The following POMGNT2 variants were observed in gnomAD, a reference collection of about 807,000 sequenced individuals.
POMGNT2 encodes protein O-linked mannose N-acetylglucosaminyltransferase 2 (beta 1,4-), also known as protein O-linked-mannose beta-1,4-N-acetylglucosaminyltransferase 2.
POMGNT2 carries 32 observed loss-of-function variants against 37.8 expected under a neutral mutation model. The observed-to-expected ratio is 0.85, with a 90% CI of 0.64 to 1.14. POMGNT2 has a LOEUF of 1.14. Ranked by LOEUF, POMGNT2 falls within the 50% of genes most tolerant of loss-of-function variation. The pLI, the probability that POMGNT2 is intolerant of heterozygous loss-of-function variation, is 0.00. For synonymous variants in POMGNT2, 340 were observed against 336.8 expected (o/e 1.01, Z -0.10); for missense variants, 705 against 780.6 (o/e 0.90, Z 1.15).
Position 43,080,988 on chromosome 3 carries a change from G to A in POMGNT2, c.444C>T (p.Phe148=), listed in dbSNP as rs1211672309. The change falls in exon 2 of 2, where the codon TTC becomes TTT. Residue 148 remains phenylalanine (F), a synonymous_variant. Coordinates refer to ENST00000344697, the MANE Select transcript of POMGNT2 (RefSeq NM_032806.6). ...TGGCGATGAGGGCCACGTCTGGCACGAACACCGGCTTGGGCATGAAGCGCA... is the reference window on the plus strand; with the variant it reads ...TGGCGATGAGGGCCACGTCTGGCACAAACACCGGCTTGGGCATGAAGCGCA... ...AALRFMPKPV[F]VPDVALIANR... is the part of the protein sequence containing the mutation. 1.5e-5 allele frequency: 24 copies of A among 1,614,106 alleles called. No homozygotes were observed. Among genetic ancestry groups the A allele is most frequent in the African/African-American group, 2.7e-5 (2 of 74,944 alleles).
At chr3:43,104,054 C>T (rs947203207) in intron 1 of POMGNT2, among the ~76,000 whole-genome samples, 7 of 152,146 alleles carry the variant, frequency 4.6e-5, no homozygotes, top group Admixed American at 1.3e-4. Flanking sequence ...TCATTTATTC[C>T]CCACTACCTG....
chr3:43,083,397 T>C (rs1362050979), intron 1 of POMGNT2, among the ~76,000 whole-genome samples: 1 of 152,210 alleles, frequency 6.6e-6, no homozygotes, highest in African/African-American at 2.4e-5. Context: ...TAAATAAAAA[T>C]CCATATTCCC....
rs770173778 is a variant in POMGNT2, at chr3:43,079,597, T to C, written c.*92A>G. Reference sequence around the variant, plus strand: ...TGGAGGCACAGGCCTGCTCAATAAATAGTTCCCAGAAGTCTCCACAGTGGG... The same window carrying C: ...TGGAGGCACAGGCCTGCTCAATAAACAGTTCCCAGAAGTCTCCACAGTGGG... On this transcript the variant is annotated 3_prime_UTR_variant, in exon 2 of 2. Coordinates refer to ENST00000344697, the MANE Select transcript of POMGNT2 (RefSeq NM_032806.6). 7 of 1,159,696 alleles carry C rather than the reference T, an allele frequency of 6.0e-6. No individual in the cohort carries two copies. The highest frequency in any genetic ancestry group is 8.6e-6 in the Non-Finnish European group (7 of 814,000). 71.8% of individuals were successfully genotyped at this position (1,159,696 alleles called of 1,614,324 possible). A position where few individuals can be genotyped will look rare whatever the true frequency, so the allele number is the denominator to read the frequency against.
In POMGNT2 at chr3:43,080,947, T is replaced by G. The variant is rs771977831; in HGVS notation, c.485A>C (p.Asp162Ala). 4 of 1,614,012 alleles carry G rather than the reference T, an allele frequency of 2.5e-6. No individual in the cohort carries two copies. The Admixed American group carries it at 6.7e-5, about 27-fold the overall frequency. Residue 162 changes from aspartate to alanine, a missense_variant, in exon 2 of 2, where the codon GAC (aspartate) becomes GCC (alanine). By Grantham distance (126) the Asp-to-Ala change is moderately radical. Transcript: ENST00000344697. ...GTCATGAAAGACGTGCATGAGGTTG[T>G]CGGGGTTGAAGCGGTTGGCGATGAG... is the stretch of plus-strand genomic sequence containing the variant. Reference protein sequence around the residue: ...VALIANRFNPDNLMHVFHDDL... With the variant: ...VALIANRFNPANLMHVFHDDL...
chr3:43,093,794 G>A (rs1459477402), intron 1 of POMGNT2, among the ~76,000 whole-genome samples: 1 of 152,086 alleles, frequency 6.6e-6, no homozygotes, highest in Non-Finnish European at 1.5e-5. Context: ...CTTTTTGGCT[G>A]CCTTCCCTTC....
At chr3:43,091,981 G>A (rs2089947201) in intron 1 of POMGNT2, among the ~76,000 whole-genome samples, 1 of 152,250 alleles carries the variant, frequency 6.6e-6, no homozygotes, top group South Asian at 2.1e-4. Context: ...GACAAGGGAA[G>A]ATGGAGGAGC....
intron 1 of POMGNT2, among the ~76,000 whole-genome samples, chr3:43,097,623 GA>G (rs998981983): frequency 2.0e-5 from 3 of 151,938 alleles, no homozygotes; most frequent in African/African-American, 7.3e-5. Flanking sequence ...CCACCCTTAT[GA>G]CCTCATTTAA....
chr3:43,089,314 T>C (rs2089923996), intron 1 of POMGNT2, among the ~76,000 whole-genome samples: 1 of 152,060 alleles, frequency 6.6e-6, no homozygotes, highest in Non-Finnish European at 1.5e-5. Flanking sequence ...GGGACAGAGA[T>C]GTGATATCTG....
chr3:43,084,768 C>T (rs779840748), intron 1 of POMGNT2, among the ~76,000 whole-genome samples: 11 of 152,076 alleles, frequency 7.2e-5, no homozygotes, highest in South Asian at 2.1e-4. Context: ...GCTTCATGTT[C>T]GCTGATTCTT....
intron 1 of POMGNT2, among the ~76,000 whole-genome samples, chr3:43,103,289 T>C (rs377024281): frequency 1.3e-5 from 2 of 152,054 alleles, no homozygotes; most frequent in East Asian, 3.9e-4. Context: ...TCCTCCCTTA[T>C]CCACAGCTCA....
intron 1 of POMGNT2, among the ~76,000 whole-genome samples, chr3:43,099,539 T>C (rs988490803): frequency 2.0e-5 from 3 of 152,226 alleles, no homozygotes; most frequent in African/African-American, 4.8e-5. Flanking sequence ...CAAAGCCATG[T>C]GCAGTTCAGT....
chr3:43,097,046 C>T (rs934000762), intron 1 of POMGNT2, among the ~76,000 whole-genome samples: 9 of 152,196 alleles, frequency 5.9e-5, no homozygotes, highest in Admixed American at 5.2e-4. Context: ...CCTTGGGGAG[C>T]TCACCACGTG....
At chr3:43,081,823 C>G (rs564701243) in intron 1 of POMGNT2, among the ~76,000 whole-genome samples, 97 of 152,356 alleles carry the variant, frequency 6.4e-4, no homozygotes, top group African/African-American at 2.2e-3. Context: ...AGAACATAAT[C>G]AAAGGTTTGG....
At chr3:43,103,918 A>T (rs985710445) in intron 1 of POMGNT2, among the ~76,000 whole-genome samples, 5 of 152,150 alleles carry the variant, frequency 3.3e-5, no homozygotes, top group African/African-American at 1.2e-4. Flanking sequence ...GAGACAGCAA[A>T]GGCAAAACAC....
Position 43,080,698 on chromosome 3 carries a change from T to C in POMGNT2, c.734A>G (p.Tyr245Cys), listed in dbSNP as rs1001285393. 9.3e-6 allele frequency: 15 copies of C among 1,614,032 alleles called. No individual in the cohort carries two copies. The highest frequency in any genetic ancestry group is 4.0e-5 in the African/African-American group (3 of 74,936). ...GLSKITTWYQ[Y>C]GFVQPQGPKA... ...CGGGCCCTGGGGCTGCACAAAGCCATACTGGTACCAGGTAGTGATCTTGGA... is the reference window on the plus strand; with the variant it reads ...CGGGCCCTGGGGCTGCACAAAGCCACACTGGTACCAGGTAGTGATCTTGGA... Residue 245 changes from tyrosine to cysteine, a missense_variant, in exon 2 of 2, where the codon TAT (tyrosine) becomes TGT (cysteine). Physicochemically the swap from Tyr to Cys is radical, Grantham distance 194. Coordinates refer to ENST00000344697, the MANE Select transcript of POMGNT2 (RefSeq NM_032806.6).
Position 43,080,523 on chromosome 3 carries a change from C to G in POMGNT2, c.909G>C (p.Glu303Asp). The G allele has an allele frequency of 6.2e-7, 1 of 1,614,244 alleles. No individual in the cohort carries two copies. Residue 303 changes from glutamate to aspartate, a missense_variant, in exon 2 of 2, where the codon GAG (glutamate) becomes GAC (aspartate). By Grantham distance (45) the Glu-to-Asp change is conservative (BLOSUM62 2). Coordinates refer to ENST00000344697, the MANE Select transcript of POMGNT2 (RefSeq NM_032806.6). ...GGGCCAGTGCCAGCAGCAGCTCTGCCTCATTCAGAATGAGTCTGTTCTGGG... is the reference window on the plus strand; with the variant it reads ...GGGCCAGTGCCAGCAGCAGCTCTGCGTCATTCAGAATGAGTCTGTTCTGGG... ...SRTQNRLILNEAELLLALAQE... is the reference protein window; with the variant it reads ...SRTQNRLILNDAELLLALAQE...
Position 43,093,161 on chromosome 3 carries a change from G to A in POMGNT2, c.-105-11625C>T, listed in dbSNP as rs371988312. Among the ~76,000 whole-genome samples the A allele has an allele frequency of 1.1e-4, 16 of 152,346 alleles. No homozygotes were observed. The East Asian group carries it at 1.9e-3, about 18-fold the overall frequency. ...GGCAGTGGCTGCAGGCAGGAGTCTA[G>A]GGTCCACATCTGGACCTGGCTGACT... On this transcript the variant is annotated intron_variant, in intron 1 of 1. Coordinates refer to ENST00000344697, the MANE Select transcript of POMGNT2 (RefSeq NM_032806.6).
At chr3:43,105,408 C>A (rs1025170689) in intron 1 of POMGNT2, among the ~76,000 whole-genome samples, 1 of 152,186 alleles carries the variant, frequency 6.6e-6, no homozygotes, top group African/African-American at 2.4e-5. Context: ...GAGGCCCAGG[C>A]CCGCTCCGCG....
chr3:43,084,079 G>A lies in POMGNT2; in HGVS notation c.-105-2543C>T, dbSNP rs550628613. Among the ~76,000 whole-genome samples the A allele has an allele frequency of 9.9e-5, 15 of 152,282 alleles. No individual in the cohort carries two copies. The South Asian group carries it at 3.1e-3, about 32-fold the overall frequency. On this transcript the variant is annotated intron_variant, in intron 1 of 1. Transcript: ENST00000344697. ...CTCTGGCCTCTGTGACTGCTGATGA[G>A]GAACTGCTACCCTTCGAATTGTTTT...
Sources: gnomAD v4.1 joint callset for allele counts (sites outside exome capture counted in the v4.1 genomes callset) on GRCh38, gnomAD v4.1.1 for gene constraint, MANE v1.5 for transcripts, NCBI Gene and HGNC (gene_info 2026-07-23, HGNC 2026-07-21) for gene names.